Variants in DNMT3A observed in about 807,000 individuals in gnomAD.
DNMT3A encodes DNA methyltransferase 3 alpha, also known as DNA (cytosine-5)-methyltransferase 3A.
In DNMT3A, 267 loss-of-function variants were observed where a neutral mutation model predicts 117.6. The observed-to-expected ratio is 2.27, with a 90% CI of 2.05 to 2.51. The LOEUF is 2.51. Among genes scored for constraint, DNMT3A ranks in the 30% most tolerant of loss-of-function variants. The pLI is 0.00. For missense variants in DNMT3A, 1,029 were observed against 1,260.2 expected (o/e 0.82, Z 2.78); for synonymous variants, 432 against 474.8 (o/e 0.91, Z 1.17).
chr2:25,309,176 C>A (rs1444900210), intron 2 of DNMT3A, among the ~76,000 whole-genome samples: 3 of 152,232 alleles, frequency 2.0e-5, no homozygotes, highest in East Asian at 3.9e-4. Context: ...TACCCCTCTA[C>A]TAGGCCCTCC....
intron 1 of DNMT3A, among the ~76,000 whole-genome samples, chr2:25,328,182 T>C (rs561965694): frequency 1.3e-5 from 2 of 152,214 alleles, no homozygotes; most frequent in Non-Finnish European, 2.9e-5. Flanking sequence ...GTGAACTGTA[T>C]GGAATGTGAA....
chr2:25,275,138 C>A, intron 5 of DNMT3A, 51 bp from the exon 6 acceptor site: 1 of 1,504,168 alleles, frequency 6.6e-7, no homozygotes, highest in South Asian at 1.2e-5. Flanking sequence ...CTGACGGACC[C>A]ACCAAGGAGG....
intron 6 of DNMT3A, chr2:25,251,822 A>C: frequency 9.8e-6 from 3 of 307,392 alleles, no homozygotes; most frequent in African/African-American, 2.1e-5. Flanking sequence ...TCACCAGGGA[A>C]GTGCCAGGCA....
Position 25,281,755 on chromosome 2 carries a change from A to G in DNMT3A, c.448+686T>C, listed in dbSNP as rs2031900342. The G allele has an allele frequency of 3.8e-6, 4 of 1,065,956 alleles. No homozygotes were observed. The South Asian group carries it at 1.8e-4, about 49-fold the overall frequency. The allele number at this position is 1,065,956 out of a possible 1,614,324, so 66.0% of individuals were successfully genotyped here. Reference sequence around the variant, plus strand: ...CCCTGAAATTGCTGGCTTAACCTGAAAGAGAAAAGTGGGCAACTTTCCAGG... The same window carrying G: ...CCCTGAAATTGCTGGCTTAACCTGAGAGAGAAAAGTGGGCAACTTTCCAGG... On this transcript the variant is annotated intron_variant, in intron 4 of 22. Transcript: ENST00000321117. The surrounding 1 kb of genome is among the most constrained non-coding windows in gnomAD (Gnocchi z 4.8).
intron 6 of DNMT3A, among the ~76,000 whole-genome samples, chr2:25,264,119 G>A (rs1352005178): frequency 7.2e-6 from 1 of 138,716 alleles, no homozygotes; most frequent in African/African-American, 2.7e-5. Flanking sequence ...AGTAAAGGCT[G>A]GACAACCCTT....
chr2:25,262,016 C>T (rs1254372986), intron 6 of DNMT3A, among the ~76,000 whole-genome samples: 2 of 151,920 alleles, frequency 1.3e-5, no homozygotes, highest in Admixed American at 6.6e-5. Context: ...GAAACCCCAC[C>T]CCGTCTCTAC....
chr2:25,308,571 G>A (rs537393544), intron 2 of DNMT3A, among the ~76,000 whole-genome samples: 5 of 152,150 alleles, frequency 3.3e-5, no homozygotes, highest in East Asian at 1.9e-4. Context: ...TAACTCCCCC[G>A]AGATCAGAGT....
chr2:25,241,674 A>T lies in DNMT3A; in HGVS notation c.1970T>A (p.Val657Glu). 1 of 1,614,038 alleles carries T rather than the reference A, an allele frequency of 6.2e-7. No individual in the cohort carries two copies. ...LLVLKDLGIQ[V>E]DRYIASEVCE... is the part of the protein sequence containing the mutation. ...CACCTCCGAGGCAATGTAGCGGTCC[A>T]CCTGAATGCCCAAGTCCTTCAGCAC... The change falls in exon 17 of 23, where the codon GTG becomes GAG. Residue 657 changes from valine (V) to glutamate (E), a missense_variant. Val to Glu is a moderately radical substitution (Grantham distance 121, BLOSUM62 -2). Transcript: ENST00000321117.
intron 1 of DNMT3A, among the ~76,000 whole-genome samples, chr2:25,331,494 C>T (rs2035011560): frequency 2.6e-5 from 4 of 152,212 alleles, no homozygotes; most frequent in Admixed American, 2.0e-4. Context: ...GGCTGGACAG[C>T]TTGACATCAA....
At chr2:25,300,714 TA>T (rs2033421498) in intron 2 of DNMT3A, among the ~76,000 whole-genome samples, 8 of 4,024 alleles carry the variant, frequency 2.0e-3, no homozygotes, top group African/African-American at 3.4e-3. Flanking sequence ...AATAATATAA[TA>T]TATATATATA....
At position 25,306,065 on chromosome 2, in the gene DNMT3A, G is replaced by T. The variant is rs1043749974; in HGVS notation, c.73-5822C>A. On this transcript the variant is annotated intron_variant, in intron 2 of 22. Coordinates refer to ENST00000321117, the MANE Select transcript of DNMT3A (RefSeq NM_022552.5). The surrounding 1 kb of genome is among the most constrained non-coding windows in gnomAD (Gnocchi z 4.1). ...GCTGGCCTCCCAGGGACTGTCTGTG[G>T]TCATGGAATTCAGTGAAACGAATTG... 1.3e-5 allele frequency among the ~76,000 whole-genome samples: 2 copies of T among 152,226 alleles called. No homozygotes were observed. The highest frequency in any genetic ancestry group is 4.8e-5 in the African/African-American group (2 of 41,458).
Position 25,233,254 on chromosome 2 carries a change from CCAA to C in DNMT3A, c.*1022_*1024del, listed in dbSNP as rs1375214631. The C allele has an allele frequency of 1.3e-5, 3 of 233,606 alleles. No homozygotes were observed. The highest frequency in any genetic ancestry group is 1.2e-3 in the Middle Eastern group (1 of 808). The allele number at this position is 233,606 out of a possible 1,614,324, so 14.5% of individuals were successfully genotyped here. A position where few individuals can be genotyped will look rare whatever the true frequency, so the allele number is the denominator to read the frequency against. Reference sequence around the variant, plus strand: ...CTTTTTGGCAGGGAGAACCTGGCTCCCAAGTTCTCCTCCTTCACTTCGTTACAA... The same window carrying C: ...CTTTTTGGCAGGGAGAACCTGGCTCCGTTCTCCTCCTTCACTTCGTTACAA... On this transcript the variant is annotated 3_prime_UTR_variant, in exon 23 of 23. Coordinates refer to ENST00000321117, the MANE Select transcript of DNMT3A (RefSeq NM_022552.5).
chr2:25,262,931 G>A (rs1676736262), intron 6 of DNMT3A, among the ~76,000 whole-genome samples: 1 of 151,984 alleles, frequency 6.6e-6, no homozygotes, highest in African/African-American at 2.4e-5. Context: ...TTCCTGAAAT[G>A]CCTTCCTCCT....
chr2:25,283,620 C>T (rs937986132), intron 3 of DNMT3A, among the ~76,000 whole-genome samples: 4 of 152,176 alleles, frequency 2.6e-5, no homozygotes, highest in African/African-American at 9.7e-5. Context: ...TTCTTTCAGG[C>T]ACTCAGACCC....
chr2:25,239,100 A>C, intron 20 of DNMT3A, 30 bp downstream of exon 20: 5 of 1,607,606 alleles, frequency 3.1e-6, no homozygotes, highest in Non-Finnish European at 4.3e-6. Flanking sequence ...CCCAGCCCAC[A>C]GCCCCCCAGG....
chr2:25,285,935 C>G (rs1192435814), intron 3 of DNMT3A, among the ~76,000 whole-genome samples: 1 of 111,612 alleles, frequency 9.0e-6, no homozygotes, highest in African/African-American at 3.4e-5. Context: ...CCCAACATGG[C>G]ACTACCATAG....
chr2:25,291,604 G>C (rs2032771160), intron 3 of DNMT3A, among the ~76,000 whole-genome samples: 1 of 152,240 alleles, frequency 6.6e-6, no homozygotes, highest in Non-Finnish European at 1.5e-5. Flanking sequence ...GGCCACAGAG[G>C]GCCGACTCTG....
intron 19 of DNMT3A, chr2:25,239,451 T>C: frequency 1.6e-6 from 1 of 621,524 alleles, no homozygotes; most frequent in Non-Finnish European, 3.1e-6. Context: ...CGATGGTGGG[T>C]TGTCCTCTAC....
At chr2:25,340,510 C>A (rs1310115437) in intron 1 of DNMT3A, among the ~76,000 whole-genome samples, 1 of 151,694 alleles carries the variant, frequency 6.6e-6, no homozygotes, top group African/African-American at 2.4e-5. Flanking sequence ...GCCCGGTCCG[C>A]GCCGAAGGGG....
Sources: allele counts gnomAD v4.1 joint callset (sites outside exome capture counted in the v4.1 genomes callset), GRCh38; gene constraint gnomAD v4.1.1; non-coding constraint Gnocchi (gnomAD v3.1); transcripts MANE v1.5; gene names NCBI Gene and HGNC (gene_info 2026-07-23, HGNC 2026-07-21).